PAK3: variants seen among roughly 807,000 people sequenced by gnomAD.
The protein encoded by PAK3 is p21 (RAC1) activated kinase 3, also known as serine/threonine-protein kinase PAK 3.
Under a neutral mutation model 41.0 loss-of-function variants are expected in PAK3, and 4 were observed. That is an observed-to-expected ratio of 0.10 (90% CI 0.05 to 0.22). The LOEUF (loss-of-function observed/expected upper bound fraction) is 0.22. Among genes scored for constraint, PAK3 ranks in the 10% least tolerant of loss-of-function variants. The pLI is 1.00. For missense variants in PAK3, 205 were observed against 409.9 expected, an observed-to-expected ratio of 0.50 and a Z score of 4.32; for synonymous variants, 146 against 139.6, an observed-to-expected ratio of 1.05 and a Z score of -0.32.
intron 1 of PAK3, among the ~76,000 whole-genome samples, chrX:111,014,637 G>A (rs534704217): frequency 3.7e-4 from 41 of 111,420 alleles, no homozygotes; most frequent in African/African-American, 1.2e-3. Context: ...TGCTTCAGCC[G>A]TTCGTTCTGC....
intron 6 of PAK3, among the ~76,000 whole-genome samples, chrX:111,142,402 A>C (rs981249819): frequency 4.4e-5 from 5 of 112,744 alleles, no homozygotes; most frequent in Non-Finnish European, 9.4e-5. Context: ...CTTTTAAAAA[A>C]GTTTGATCAC....
At chrX:111,092,497 G>A (rs191067300), upstream of PAK3, among the ~76,000 whole-genome samples, 95 of 111,683 alleles carry the variant, frequency 8.5e-4, no homozygotes, top group African/African-American at 2.8e-3. Flanking sequence ...GTACAGAGGG[G>A]TCTATATACT....
chrX:110,965,195 T>C (rs1460967162), intron 1 of PAK3, among the ~76,000 whole-genome samples: 1 of 112,290 alleles, frequency 8.9e-6, no homozygotes, highest in South Asian at 3.7e-4. Flanking sequence ...CTGAAGGCCA[T>C]GTGGGCCTTG....
chrX:111,028,773 C>A (rs1429019632), intron 1 of PAK3, among the ~76,000 whole-genome samples: 1 of 111,447 alleles, frequency 9.0e-6, no homozygotes, highest in Non-Finnish European at 1.9e-5. Context: ...TGTTATTATC[C>A]CCAATATACA....
At chrX:110,998,713 T>C (rs1433182158) in intron 1 of PAK3, among the ~76,000 whole-genome samples, 1 of 112,424 alleles carries the variant, frequency 8.9e-6, no homozygotes, top group Non-Finnish European at 1.9e-5. Context: ...AAGGACTTTG[T>C]CTTGTGCATA....
chrX:111,163,618 G>A lies in PAK3; in HGVS notation c.657G>A (p.Glu219=), dbSNP rs1437299552. The A allele has an allele frequency of 9.2e-6, 11 of 1,192,904 alleles. No homozygotes were observed. Among genetic ancestry groups the A allele is most frequent in the Non-Finnish European group, 1.3e-5 (11 of 878,834 alleles). Residue 219 remains glutamate, a synonymous_variant, in exon 10 of 18, where the codon GAG becomes GAA. Transcript: ENST00000372007. ...CTTCACCAGCAGTACCAAATAAAGA[G>A]GTCACACCACCCTCTGCTGAAAATG... The part of the protein sequence containing the change: ...SIASPAVPNK[E]VTPPSAENAN...
At chrX:111,140,911 C>T (rs1243711938) in intron 5 of PAK3, among the ~76,000 whole-genome samples, 1 of 111,934 alleles carries the variant, frequency 8.9e-6, no homozygotes, top group Non-Finnish European at 1.9e-5. Context: ...GGGTAACCCA[C>T]AAAACCAATA....
chrX:111,101,141 C>T lies in PAK3; in HGVS notation c.-175-2018C>T, dbSNP rs180905804. Among the ~76,000 whole-genome samples the T allele has an allele frequency of 4.0e-3, 447 of 112,092 alleles. 3 individuals are homozygous for T. The highest frequency in any genetic ancestry group is 6.8e-3 in the Non-Finnish European group (361 of 53,208). On this transcript the variant is annotated intron_variant, in intron 3 of 17. Transcript: ENST00000372007. Reference sequence around the variant, plus strand: ...ATTAACAGGACACTGTACACACACACGATATGATGCAGACTCAATACATGC... The same window carrying T: ...ATTAACAGGACACTGTACACACACATGATATGATGCAGACTCAATACATGC...
chrX:110,954,825 G>A (rs2090820773), intron 1 of PAK3, among the ~76,000 whole-genome samples: 1 of 111,253 alleles, frequency 9.0e-6, no homozygotes, highest in Non-Finnish European at 1.9e-5. Context: ...ACAAATCATG[G>A]GAATGTGGAA....
At chrX:111,125,323 A>T (rs1194894301) in intron 5 of PAK3, among the ~76,000 whole-genome samples, 1 of 111,335 alleles carries the variant, frequency 9.0e-6, no homozygotes. Context: ...ATGGATGAGG[A>T]TGAAAATTTG....
chrX:111,097,893 C>T (rs926423509), intron 3 of PAK3, among the ~76,000 whole-genome samples: 2 of 111,007 alleles, frequency 1.8e-5, no homozygotes, highest in Non-Finnish European at 3.8e-5. Context: ...ATGCAAGAAG[C>T]AAAATGGGAA....
In PAK3 at chrX:110,979,628, C is replaced by T. The variant is rs566466234; in HGVS notation, c.-28+35000C>T. Among the ~76,000 whole-genome samples the T allele has an allele frequency of 8.9e-5, 10 of 111,923 alleles. No individual in the cohort carries two copies. The South Asian group carries it at 1.9e-3, about 21-fold the overall frequency. ...CTTTTCAACTTCACTGATTTCTGCT[C>T]ATATATTTATTATTTTATTCCTTCT... On this transcript the variant is annotated intron_variant, in intron 1 of 14. Coordinates refer to the PAK3 transcript ENST00000425146.
intron 5 of PAK3, among the ~76,000 whole-genome samples, chrX:111,139,986 A>G (rs1488869625): frequency 9.0e-6 from 1 of 111,697 alleles, no homozygotes; most frequent in African/African-American, 3.3e-5. Context: ...ACCAAGAGCT[A>G]ATTACTGTGA....
intron 16 of PAK3, among the ~76,000 whole-genome samples, chrX:111,206,163 G>A (rs1042449582): frequency 9.0e-6 from 1 of 110,966 alleles, no homozygotes; most frequent in Non-Finnish European, 1.9e-5. Context: ...TTCCACCAGC[G>A]ATATTCTCCT....
At chrX:111,194,847 C>G (rs1187162338) in intron 14 of PAK3, among the ~76,000 whole-genome samples, 3 of 110,377 alleles carry the variant, frequency 2.7e-5, no homozygotes, top group African/African-American at 9.9e-5. Context: ...TAAACAAGGT[C>G]CTCCCTCAGG....
intron 1 of PAK3, among the ~76,000 whole-genome samples, chrX:111,030,155 T>C (rs2092323424): frequency 8.9e-6 from 1 of 111,922 alleles, no homozygotes; most frequent in Admixed American, 9.5e-5. Flanking sequence ...TTTATGGGAG[T>C]AAATGATAAA....
At chrX:111,156,644 T>C (rs2094111149) in intron 8 of PAK3, among the ~76,000 whole-genome samples, 1 of 112,068 alleles carries the variant, frequency 8.9e-6, no homozygotes, top group Admixed American at 9.5e-5. Context: ...TAGCCTGAAT[T>C]GATTACAAGT....
intron 1 of PAK3, among the ~76,000 whole-genome samples, chrX:111,068,990 T>G (rs949274226): frequency 8.9e-6 from 1 of 111,924 alleles, no homozygotes; most frequent in African/African-American, 3.2e-5. Flanking sequence ...TCGATACAAA[T>G]GGTAATAGTC....
intron 1 of PAK3, among the ~76,000 whole-genome samples, chrX:110,984,891 G>T (rs2148660410): frequency 9.1e-6 from 1 of 110,076 alleles, no homozygotes. Context: ...CACTTTGGGA[G>T]GTCAGGGCGG....
Sources: gnomAD v4.1 joint callset for allele counts (sites outside exome capture counted in the v4.1 genomes callset) on GRCh38, gnomAD v4.1.1 for gene constraint, MANE v1.5 for transcripts, NCBI Gene and HGNC (gene_info 2026-07-23, HGNC 2026-07-21) for gene names.